MACROD2: variants seen among roughly 807,000 people sequenced by gnomAD.
MACROD2 encodes mono-ADP ribosylhydrolase 2.
Under a neutral mutation model 70.4 loss-of-function variants are expected in MACROD2, and 36 were observed. The ratio of observed to expected loss-of-function variants is 0.51; its 90% CI spans 0.39 to 0.68. The LOEUF is 0.68. Among genes scored for constraint, MACROD2 ranks in the 30% least tolerant of loss-of-function variants. The probability of loss-of-function intolerance (pLI) is 0.00; values close to 1 mark genes in which losing one functional copy is unlikely to be tolerated. For synonymous variants in MACROD2, 172 were observed against 178.8 expected (o/e 0.96, Z 0.30); for missense variants, 496 against 538.4 (o/e 0.92, Z 0.78).
At chr20:14,048,758 C>T (rs1250699819) in intron 2 of MACROD2, among the ~76,000 whole-genome samples, 1 of 151,878 alleles carries the variant, frequency 6.6e-6, no homozygotes, top group Non-Finnish European at 1.5e-5. Flanking sequence ...CATTTGTGAA[C>T]AAAAACAAAC....
At chr20:15,034,923 G>T (rs2075302167) in intron 5 of MACROD2, among the ~76,000 whole-genome samples, 1 of 152,130 alleles carries the variant, frequency 6.6e-6, no homozygotes, top group African/African-American at 2.4e-5. Flanking sequence ...CATCATTAGA[G>T]CCAGATCTTG....
At chr20:14,777,169 G>A (rs947618583) in intron 5 of MACROD2, among the ~76,000 whole-genome samples, 1 of 152,106 alleles carries the variant, frequency 6.6e-6, no homozygotes, top group Non-Finnish European at 1.5e-5. Context: ...ATTCTTGCAT[G>A]CCTAGGTTTG....
intron 4 of MACROD2, among the ~76,000 whole-genome samples, chr20:14,508,710 T>G (rs1600318170): frequency 6.6e-6 from 1 of 152,294 alleles, no homozygotes; most frequent in East Asian, 1.9e-4. Context: ...ATAAATATAT[T>G]TATTCACTAA....
intron 9 of MACROD2, among the ~76,000 whole-genome samples, chr20:15,863,259 G>A (rs952441707): frequency 6.6e-6 from 1 of 152,000 alleles, no homozygotes; most frequent in Admixed American, 6.6e-5. Flanking sequence ...AACTTTTCCT[G>A]CATTCCATCC....
At chr20:15,257,755 C>T (rs373314145) in intron 6 of MACROD2, among the ~76,000 whole-genome samples, 7 of 152,070 alleles carry the variant, frequency 4.6e-5, no homozygotes, top group Admixed American at 2.6e-4. Context: ...TATTGTTTTA[C>T]GAATTTGCTA....
chr20:14,943,336 A>AT (rs2074405540), intron 5 of MACROD2, among the ~76,000 whole-genome samples: 2 of 152,102 alleles, frequency 1.3e-5, no homozygotes, highest in South Asian at 4.2e-4. Context: ...TACCTTTTTT[A>AT]TTTAAGTTTT....
intron 4 of MACROD2, among the ~76,000 whole-genome samples, chr20:14,624,176 C>T (rs1299274784): frequency 2.0e-5 from 3 of 152,142 alleles, no homozygotes; most frequent in Admixed American, 1.3e-4. Context: ...ATACAGGGGT[C>T]TTCTCCATCA....
At chr20:15,857,310 G>C (rs889371127) in intron 8 of MACROD2, among the ~76,000 whole-genome samples, 3 of 152,200 alleles carry the variant, frequency 2.0e-5, no homozygotes, top group Non-Finnish European at 2.9e-5. Flanking sequence ...AAGTAGGAAA[G>C]CTGCATGCAA....
chr20:14,960,773 C>A (rs1442331028), intron 5 of MACROD2, among the ~76,000 whole-genome samples: 1 of 150,430 alleles, frequency 6.6e-6, no homozygotes, highest in Non-Finnish European at 1.5e-5. Context: ...TTTTTTTTTT[C>A]CTTTGGAAGG....
chr20:15,192,895 T>A (rs1245368685), intron 5 of MACROD2, among the ~76,000 whole-genome samples: 1 of 152,226 alleles, frequency 6.6e-6, no homozygotes, highest in Non-Finnish European at 1.5e-5. Flanking sequence ...TTTGCAATGT[T>A]CCTAACAAAC....
At chr20:15,294,599 C>G (rs1277561296) in intron 6 of MACROD2, among the ~76,000 whole-genome samples, 1 of 152,172 alleles carries the variant, frequency 6.6e-6, no homozygotes, top group East Asian at 1.9e-4. Flanking sequence ...TCCAGTGGGT[C>G]TCCAGTATTT....
rs1403778109 is a variant in MACROD2, at chr20:16,044,109, C to G, written c.1232-462C>G. Among the ~76,000 whole-genome samples the G allele has an allele frequency of 5.3e-5, 8 of 152,190 alleles. No homozygotes were observed. The East Asian group carries it at 1.5e-3, about 29-fold the overall frequency. The stretch of plus-strand genomic sequence containing the variant: ...GGCTTTACAGGAAGCAGGGTGCCAG[C>G]ATCTGCTTCTGATGAGGAACTCAGG... On this transcript the variant is annotated intron_variant, in intron 16 of 17. Coordinates refer to ENST00000684519, the MANE Select transcript of MACROD2 (RefSeq NM_001351661.2).
chr20:15,793,095 T>C (rs963709457), intron 8 of MACROD2, among the ~76,000 whole-genome samples: 21 of 148,724 alleles, frequency 1.4e-4, no homozygotes, highest in African/African-American at 5.1e-4. Flanking sequence ...CTGTGTATAA[T>C]GTGGTTCATT....
At chr20:14,273,635 A>G (rs1354409609) in intron 3 of MACROD2, among the ~76,000 whole-genome samples, 2 of 149,608 alleles carry the variant, frequency 1.3e-5, no homozygotes, top group Non-Finnish European at 3.0e-5. Context: ...GGCAAGAAAT[A>G]ACTAAAATCA....
At chr20:15,830,445 T>G (rs1202248797) in intron 8 of MACROD2, among the ~76,000 whole-genome samples, 1 of 152,222 alleles carries the variant, frequency 6.6e-6, no homozygotes, top group African/African-American at 2.4e-5. Context: ...TTTGTCTCAA[T>G]ACTGTTCATT....
intron 8 of MACROD2, among the ~76,000 whole-genome samples, chr20:15,860,976 C>T (rs1568602653): frequency 6.6e-6 from 1 of 152,164 alleles, no homozygotes; most frequent in Non-Finnish European, 1.5e-5. Context: ...CCAAGTGGAG[C>T]AATAGCCTTA....
chr20:14,690,874 A>T (rs2071054931), intron 5 of MACROD2, among the ~76,000 whole-genome samples: 1 of 152,138 alleles, frequency 6.6e-6, no homozygotes, highest in Admixed American at 6.6e-5. Context: ...CTGTGGAAAA[A>T]GTTTGCCAGC....
intron 6 of MACROD2, among the ~76,000 whole-genome samples, chr20:15,374,143 C>T (rs1468635126): frequency 6.6e-6 from 1 of 151,926 alleles, no homozygotes; most frequent in Non-Finnish European, 1.5e-5. Context: ...GCAAAAGCTT[C>T]AGAGGGAAAT....
At chr20:15,912,618 G>A (rs2065253532) in intron 10 of MACROD2, among the ~76,000 whole-genome samples, 1 of 152,048 alleles carries the variant, frequency 6.6e-6, no homozygotes, top group South Asian at 2.1e-4. Context: ...AAACAGTCTA[G>A]CTTCATTGAC....
Sources: gnomAD v4.1 joint callset for allele counts (sites outside exome capture counted in the v4.1 genomes callset) on GRCh38, gnomAD v4.1.1 for gene constraint, MANE v1.5 for transcripts, NCBI Gene and HGNC (gene_info 2026-07-23, HGNC 2026-07-21) for gene names.